The following LRFN5 variants were observed in gnomAD, a reference collection of about 807,000 sequenced individuals.
LRFN5 encodes the protein leucine-rich repeat and fibronectin type-III domain-containing protein 5.
Under a neutral mutation model 45.6 loss-of-function variants are expected in LRFN5, and 24 were observed. The ratio of observed to expected loss-of-function variants is 0.53; its 90% CI spans 0.38 to 0.74. LRFN5 has a LOEUF of 0.74. LRFN5 is among the 30% of genes least tolerant of loss of function. LRFN5 has a pLI of 0.00. For missense variants in LRFN5, 776 were observed against 861.5 expected (o/e 0.90, Z 1.24); for synonymous variants, 340 against 313.8 (o/e 1.08, Z -0.88).
At chr14:41,772,052 A>G (rs1056977588) in intron 2 of LRFN5, among the ~76,000 whole-genome samples, 4 of 152,176 alleles carry the variant, frequency 2.6e-5, no homozygotes, top group Non-Finnish European at 5.9e-5. Flanking sequence ...TAGGAAGCTT[A>G]CCGTCATGGC....
chr14:41,895,483 G>A (rs1890907859), intron 4 of LRFN5, among the ~76,000 whole-genome samples: 1 of 151,950 alleles, frequency 6.6e-6, no homozygotes, highest in Non-Finnish European at 1.5e-5. Context: ...AAAATTAGCT[G>A]GGGGCATGGT....
intron 1 of LRFN5, among the ~76,000 whole-genome samples, chr14:41,674,481 C>T (rs147268230): frequency 0.24 from 31,254 of 130,010 alleles, 4,989 homozygotes; most frequent in East Asian, 0.76. Context: ...ACCTCCCGGA[C>T]GGGGTGGCTG....
intron 1 of LRFN5, among the ~76,000 whole-genome samples, chr14:41,682,151 C>A (rs1881926844): frequency 6.6e-6 from 1 of 151,802 alleles, no homozygotes; most frequent in Non-Finnish European, 1.5e-5. Context: ...AAAGACTAAC[C>A]AATGAACCAA....
intron 1 of LRFN5, among the ~76,000 whole-genome samples, chr14:41,756,545 G>T (rs796442307): frequency 6.6e-6 from 1 of 151,966 alleles, no homozygotes; most frequent in Non-Finnish European, 1.5e-5. Flanking sequence ...CCAGTTGATC[G>T]AATCGGCTAC....
chr14:41,796,408 T>G (rs936872727), intron 2 of LRFN5, among the ~76,000 whole-genome samples: 36 of 151,938 alleles, frequency 2.4e-4, no homozygotes, highest in African/African-American at 8.0e-4. Flanking sequence ...TAAGTTGAAA[T>G]TATATTTTAC....
chr14:41,732,565 G>A (rs1362762824), intron 1 of LRFN5, among the ~76,000 whole-genome samples: 1 of 152,032 alleles, frequency 6.6e-6, no homozygotes, highest in Non-Finnish European at 1.5e-5. Flanking sequence ...CTGCAACAGA[G>A]ACAGCCTACA....
intron 1 of LRFN5, among the ~76,000 whole-genome samples, chr14:41,710,829 C>T (rs1883253187): frequency 6.6e-6 from 1 of 151,746 alleles, no homozygotes; most frequent in Non-Finnish European, 1.5e-5. Context: ...TCCATGTGTT[C>T]TCATTGTTCA....
chr14:41,743,727 GTTAATTAGC>G (rs1884803731), intron 1 of LRFN5, among the ~76,000 whole-genome samples: 1 of 152,150 alleles, frequency 6.6e-6, no homozygotes, highest in Admixed American at 6.5e-5. Context: ...TGGTGGATAT[GTTAATTAGC>G]TTAATTGGCT....
In LRFN5 at chr14:41,623,622, C is replaced by T. The variant is rs565067753; in HGVS notation, c.-197+15060C>T. Among the ~76,000 whole-genome samples, 13 of 152,136 alleles carry T rather than the reference C, an allele frequency of 8.5e-5. No individual in the cohort carries two copies. In the South Asian group the frequency reaches 1.5e-3, roughly 17 times the overall value. On this transcript the variant is annotated intron_variant, in intron 1 of 5. Coordinates refer to ENST00000298119, the MANE Select transcript of LRFN5 (RefSeq NM_152447.5). ...AAGATCAGTTTTAAATATAAACTTT[C>T]GGTGACTTTGCTATAAAGCTGTGTG...
intron 2 of LRFN5, among the ~76,000 whole-genome samples, chr14:41,858,707 C>T (rs1889558751): frequency 6.6e-6 from 1 of 152,098 alleles, no homozygotes; most frequent in South Asian, 2.1e-4. Context: ...TCACTTTCAC[C>T]ACTCTTTATC....
intron 1 of LRFN5, among the ~76,000 whole-genome samples, chr14:41,643,568 C>A (rs1049821291): frequency 1.4e-4 from 21 of 152,036 alleles, no homozygotes; most frequent in African/African-American, 5.1e-4. Context: ...AAGATTCTGG[C>A]TCTATCTTCA....
At chr14:41,846,805 G>T (rs1408809791) in intron 2 of LRFN5, among the ~76,000 whole-genome samples, 3 of 152,072 alleles carry the variant, frequency 2.0e-5, no homozygotes, top group Admixed American at 2.0e-4. Flanking sequence ...TATTGAGGTT[G>T]TAAGGACTGT....
At chr14:41,789,426 C>T (rs961026921) in intron 2 of LRFN5, among the ~76,000 whole-genome samples, 4 of 152,016 alleles carry the variant, frequency 2.6e-5, no homozygotes, top group Non-Finnish European at 4.4e-5. Context: ...TCTCTGATAT[C>T]GCTTGATATT....
chr14:41,792,574 GA>G (rs34238913), intron 2 of LRFN5, among the ~76,000 whole-genome samples: 19,430 of 151,872 alleles, frequency 0.13, 1,600 homozygotes, highest in Non-Finnish European at 0.18. Flanking sequence ...TCCTTGCTAG[GA>G]AAACAATTTA....
intron 1 of LRFN5, among the ~76,000 whole-genome samples, chr14:41,734,024 C>CTTTTTTT (rs1241948731): frequency 9.5e-5 from 11 of 115,532 alleles, no homozygotes; most frequent in African/African-American, 3.8e-4. Flanking sequence ...CTTTTCTTTT[C>CTTTTTTT]TTTTCTTTTT....
chr14:41,775,122 G>A (rs530745006), intron 2 of LRFN5, among the ~76,000 whole-genome samples: 42 of 123,218 alleles, frequency 3.4e-4, no homozygotes, highest in Non-Finnish European at 5.6e-4. Flanking sequence ...ACGGAGTCTC[G>A]CTCTGTCTCC....
intron 1 of LRFN5, among the ~76,000 whole-genome samples, chr14:41,666,634 G>C (rs1465033944): frequency 6.6e-6 from 1 of 152,056 alleles, no homozygotes; most frequent in African/African-American, 2.4e-5. Flanking sequence ...TTTATACTTG[G>C]ATTTCATTCT....
At chr14:41,639,640 C>G (rs1000179378) in intron 1 of LRFN5, among the ~76,000 whole-genome samples, 1 of 152,032 alleles carries the variant, frequency 6.6e-6, no homozygotes, top group East Asian at 1.9e-4. Flanking sequence ...TGTAGGAGGA[C>G]TGAACAGATA....
At chr14:41,649,509 A>G (rs774622544) in intron 1 of LRFN5, among the ~76,000 whole-genome samples, 2 of 152,180 alleles carry the variant, frequency 1.3e-5, no homozygotes, top group Non-Finnish European at 2.9e-5. Context: ...TTGCTTGGCT[A>G]AGCTTGAGTC....
Sources: gnomAD v4.1 joint callset for allele counts (sites outside exome capture counted in the v4.1 genomes callset) on GRCh38, gnomAD v4.1.1 for gene constraint, MANE v1.5 for transcripts, NCBI Gene and HGNC (gene_info 2026-07-23, HGNC 2026-07-21) for gene names.